The following MED20 variants were observed in gnomAD, a reference collection of about 807,000 sequenced individuals.
MED20 encodes mediator of RNA polymerase II transcription subunit 20.
In MED20, 19 loss-of-function variants were observed where a neutral mutation model predicts 19.7. The observed-to-expected ratio is 0.96, with a 90% confidence interval of 0.67 to 1.42. The LOEUF is 1.42. Ranked by LOEUF, MED20 falls within the 40% of genes most tolerant of loss-of-function variation. The pLI is 0.00. For missense variants in MED20, 225 were observed against 273.0 expected (o/e 0.82, Z 1.24); for synonymous variants, 105 against 104.8 (o/e 1.00, Z -0.01).
In MED20 at chr6:41,906,559, G is replaced by A. The variant is rs1477099008; in HGVS notation, c.*513C>T. On this transcript the variant is annotated 3_prime_UTR_variant, in exon 4 of 4. Coordinates refer to ENST00000265350, the MANE Select transcript of MED20 (RefSeq NM_004275.5). ...ATTCGCAAATCACTTCAGCAAACAG[G>A]TCAGAAAATAGTAACTATCAAACCA... 6.5e-6 allele frequency: 1 copy of A among 154,424 alleles called. No homozygotes were observed. Among genetic ancestry groups the A allele is most frequent in the African/African-American group, 2.4e-5 (1 of 41,444 alleles). 9.6% of individuals were successfully genotyped at this position (154,424 alleles called of 1,614,324 possible).
intron 1 of MED20, among the ~76,000 whole-genome samples, chr6:41,920,023 G>A (rs1775419445): frequency 6.6e-6 from 1 of 152,170 alleles, no homozygotes; most frequent in South Asian, 2.1e-4. Flanking sequence ...TCTCCCACGG[G>A]AAAAATGCTC....
chr6:41,915,444 T>C (rs570556328), intron 2 of MED20, among the ~76,000 whole-genome samples: 133 of 152,292 alleles, frequency 8.7e-4, no homozygotes, highest in Non-Finnish European at 1.6e-3. Flanking sequence ...CAGTGAGCTA[T>C]GAGACACCAA....
At chr6:41,909,120 G>T in intron 3 of MED20, 149 bp downstream of exon 3, 1 of 1,062,098 alleles carries the variant, frequency 9.4e-7, no homozygotes, top group Non-Finnish European at 1.4e-6. Context: ...GCTACAGTGT[G>T]CCAAGATTGT....
intron 3 of MED20, among the ~76,000 whole-genome samples, chr6:41,908,681 C>T (rs770278529): frequency 2.0e-5 from 3 of 152,198 alleles, no homozygotes; most frequent in Admixed American, 6.5e-5. Context: ...CATAACTCAC[C>T]TGCCTTCCTT....
chr6:41,911,677 G>A (rs990266550), intron 2 of MED20, among the ~76,000 whole-genome samples: 1 of 152,114 alleles, frequency 6.6e-6, no homozygotes, highest in Non-Finnish European at 1.5e-5. Context: ...GTGTGCAACT[G>A]AAAAGGGTGC....
At chr6:41,915,498 A>AACACAC (rs57868395) in intron 2 of MED20, among the ~76,000 whole-genome samples, 1 of 151,670 alleles carries the variant, frequency 6.6e-6, no homozygotes, top group African/African-American at 2.4e-5. Context: ...ATCTCTTAAA[A>AACACAC]ACACACACGC....
At chr6:41,914,486 CAGTT>C (rs1411909427) in intron 2 of MED20, among the ~76,000 whole-genome samples, 5 of 152,296 alleles carry the variant, frequency 3.3e-5, no homozygotes, top group Admixed American at 2.0e-4. Context: ...TACAGGTACA[CAGTT>C]AGAATGTGGC....
At position 41,921,120 on chromosome 6, in the gene MED20, A is replaced by G; in HGVS notation, c.-102T>C. On this transcript the variant is annotated 5_prime_UTR_variant, in exon 1 of 4. Transcript: ENST00000265350. ...GTTCCCCAACACAACCTTCTGTCTCAGAAGGGACTCCGGAAATACGTAAAA... is the reference window on the plus strand; with the variant it reads ...GTTCCCCAACACAACCTTCTGTCTCGGAAGGGACTCCGGAAATACGTAAAA... 2 of 1,478,078 alleles carry G rather than the reference A, an allele frequency of 1.4e-6. No homozygotes were observed. Among genetic ancestry groups the G allele is most frequent in the Non-Finnish European group, 1.9e-6 (2 of 1,079,274 alleles). 91.6% of individuals were successfully genotyped at this position (1,478,078 alleles called of 1,614,324 possible). A position where few individuals can be genotyped will look rare whatever the true frequency, so the allele number is the denominator to read the frequency against.
intron 3 of MED20, among the ~76,000 whole-genome samples, chr6:41,907,723 T>G (rs1775092202): frequency 6.6e-6 from 1 of 151,918 alleles, no homozygotes. Flanking sequence ...CAAGACCAAA[T>G]TTTACTCCCT....
chr6:41,907,687 G>A (rs1186232655), intron 3 of MED20, among the ~76,000 whole-genome samples: 1 of 152,080 alleles, frequency 6.6e-6, no homozygotes, highest in Non-Finnish European at 1.5e-5. Context: ...AGAGTAGAGT[G>A]GACACATATG....
chr6:41,906,776 CT>C lies in MED20; in HGVS notation c.*295del. ...CCAGGCAGGGACATTCCTGTCCTAC[CT>C]TTCCCCTAAAGGAGGCAAGGTCCAA... On this transcript the variant is annotated 3_prime_UTR_variant, in exon 4 of 4. Coordinates refer to ENST00000265350, the MANE Select transcript of MED20 (RefSeq NM_004275.5). 2.6e-6 allele frequency: 1 copy of C among 378,918 alleles called. No homozygotes were observed. Among genetic ancestry groups the C allele is most frequent in the Non-Finnish European group, 4.9e-6 (1 of 204,166 alleles). The allele number at this position is 378,918 out of a possible 1,614,324, so 23.5% of individuals were successfully genotyped here. A position where few individuals can be genotyped will look rare whatever the true frequency, so the allele number is the denominator to read the frequency against.
At chr6:41,911,168 T>TG (rs1164528645) in intron 2 of MED20, among the ~76,000 whole-genome samples, 2 of 151,070 alleles carry the variant, frequency 1.3e-5, no homozygotes, top group Non-Finnish European at 3.0e-5. Flanking sequence ...TTTTTTTTTT[T>TG]GAGACAGAGT....
chr6:41,916,995 A>G (rs1398301276), intron 1 of MED20, 56 bp from the exon 2 acceptor site: 8 of 1,596,480 alleles, frequency 5.0e-6, no homozygotes, highest in Non-Finnish European at 5.1e-6. Context: ...GTGCTCACTG[A>G]GCCATTCACT....
intron 2 of MED20, among the ~76,000 whole-genome samples, chr6:41,911,458 G>C (rs1775192885): frequency 6.6e-6 from 1 of 152,038 alleles, no homozygotes; most frequent in South Asian, 2.1e-4. Context: ...GCTGAGATAG[G>C]CTAAAAACTT....
chr6:41,920,276 T>C (rs943766771), intron 1 of MED20, among the ~76,000 whole-genome samples: 1 of 152,166 alleles, frequency 6.6e-6, no homozygotes, highest in Non-Finnish European at 1.5e-5. Context: ...TACCCTTTTT[T>C]CCTCTAGACC....
intron 1 of MED20, among the ~76,000 whole-genome samples, chr6:41,918,949 G>A (rs1246721103): frequency 1.0e-5 from 1 of 95,524 alleles, no homozygotes; most frequent in Non-Finnish European, 2.1e-5. Context: ...GCGAGACTCC[G>A]TCTCAAAAAA....
chr6:41,920,998 G>C lies in MED20; in HGVS notation c.14+7C>G, dbSNP rs750998632. On this transcript the variant is annotated splice_region_variant and intron_variant, in intron 1 of 3. Coordinates refer to ENST00000265350, the MANE Select transcript of MED20 (RefSeq NM_004275.5). ...GCCCCGCCCCACAAAACCCCCTGCA[G>C]TCCTACCAAGTCACTCCCATGGCGT... The C allele has an allele frequency of 6.2e-7, 1 of 1,612,606 alleles. No individual in the cohort carries two copies. The highest frequency in any genetic ancestry group is 8.5e-7 in the Non-Finnish European group (1 of 1,179,260).
At chr6:41,914,689 C>G (rs547962475) in intron 2 of MED20, among the ~76,000 whole-genome samples, 2 of 151,450 alleles carry the variant, frequency 1.3e-5, no homozygotes, top group East Asian at 3.9e-4. Flanking sequence ...ACTGTACAGC[C>G]GGGCAACGAA....
At chr6:41,912,221 T>TTG (rs1251685830) in intron 2 of MED20, among the ~76,000 whole-genome samples, 14 of 146,882 alleles carry the variant, frequency 9.5e-5, no homozygotes, top group African/African-American at 3.3e-4. Flanking sequence ...TTTTTTTTTT[T>TTG]GTAAAGATGA....
Sources: gnomAD v4.1 joint callset for allele counts (sites outside exome capture counted in the v4.1 genomes callset) on GRCh38, gnomAD v4.1.1 for gene constraint, MANE v1.5 for transcripts, NCBI Gene and HGNC (gene_info 2026-07-23, HGNC 2026-07-21) for gene names.